FOXN2: variants seen among roughly 807,000 people sequenced by gnomAD.
The protein encoded by FOXN2 is forkhead box protein N2.
In FOXN2, 19 loss-of-function variants were observed where a neutral mutation model predicts 41.2. The ratio of observed to expected loss-of-function variants is 0.46; its 90% CI spans 0.32 to 0.68. The LOEUF is 0.68. Ranked by LOEUF, FOXN2 falls within the 30% of genes least tolerant of loss-of-function variation. FOXN2 has a pLI of 0.03. For missense variants in FOXN2, 587 were observed against 509.4 expected, an observed-to-expected ratio of 1.15 and a Z score of -1.47; for synonymous variants, 195 against 176.8, an observed-to-expected ratio of 1.10 and a Z score of -0.82.
chr2:48,339,531 C>G (rs1338043653), intron 2 of FOXN2, among the ~76,000 whole-genome samples: 1 of 152,204 alleles, frequency 6.6e-6, no homozygotes, highest in African/African-American at 2.4e-5. Context: ...GCCAATTAAA[C>G]CTCTTTCCAT....
intron 2 of FOXN2, among the ~76,000 whole-genome samples, chr2:48,336,036 A>AT (rs202009424): frequency 0.083 from 12,446 of 150,374 alleles, 649 homozygotes; most frequent in Non-Finnish European, 0.12. Flanking sequence ...TCAAAAAAAA[A>AT]AAAAATAATA....
rs567594784 is a variant in FOXN2, at chr2:48,320,538, C to G, written c.-157+5724C>G. 7.2e-5 allele frequency among the ~76,000 whole-genome samples: 11 copies of G among 152,268 alleles called. No homozygotes were observed. The East Asian group carries it at 2.1e-3, about 29-fold the overall frequency. ...ACCCTGACCTCAAGTGATCTGCCCA[C>G]CTCGGCCTCCCAAAGTGCTGGAATT... On this transcript the variant is annotated intron_variant, in intron 1 of 6. Transcript: ENST00000340553.
intron 3 of FOXN2, among the ~76,000 whole-genome samples, chr2:48,356,854 AC>A (rs1671827363): frequency 2.0e-5 from 3 of 152,216 alleles, no homozygotes; most frequent in South Asian, 2.1e-4. Flanking sequence ...GCAGTTCTCT[AC>A]CAAGTAAGTT....
intron 1 of FOXN2, among the ~76,000 whole-genome samples, chr2:48,321,073 T>G (rs1341691926): frequency 6.6e-6 from 1 of 152,152 alleles, no homozygotes; most frequent in Non-Finnish European, 1.5e-5. Flanking sequence ...CAGCATCTAC[T>G]ATATTTATTC....
chr2:48,322,792 G>C (rs1213999691), intron 1 of FOXN2, among the ~76,000 whole-genome samples: 1 of 148,190 alleles, frequency 6.7e-6, no homozygotes, highest in African/African-American at 2.5e-5. Flanking sequence ...ATCTGATATA[G>C]GTATTTCTCA....
chr2:48,370,270 C>A (rs151148592), intron 5 of FOXN2, among the ~76,000 whole-genome samples: 1 of 152,124 alleles, frequency 6.6e-6, no homozygotes, highest in Admixed American at 6.5e-5. Context: ...CTTCTTCAGA[C>A]GTGTTAGAAT....
chr2:48,329,562 T>C (rs1669901464), intron 2 of FOXN2, among the ~76,000 whole-genome samples: 1 of 152,138 alleles, frequency 6.6e-6, no homozygotes, highest in Non-Finnish European at 1.5e-5. Context: ...TTAGAGACAA[T>C]GGATCACATG....
chr2:48,339,088 A>G (rs1670564799), intron 2 of FOXN2, among the ~76,000 whole-genome samples: 1 of 152,186 alleles, frequency 6.6e-6, no homozygotes, highest in Non-Finnish European at 1.5e-5. Context: ...ATTCATAGCT[A>G]TATGTTCATA....
intron 1 of FOXN2, among the ~76,000 whole-genome samples, chr2:48,324,659 T>C (rs144629811): frequency 5.3e-5 from 8 of 152,356 alleles, no homozygotes; most frequent in African/African-American, 1.9e-4. Flanking sequence ...TTTGAAGTAC[T>C]CTGCTTAGGG....
chr2:48,366,190 C>A (rs1041181835), intron 5 of FOXN2, among the ~76,000 whole-genome samples: 1 of 152,108 alleles, frequency 6.6e-6, no homozygotes, highest in Non-Finnish European at 1.5e-5. Context: ...AACCCCATCT[C>A]TACTAAAAAT....
chr2:48,338,018 T>A (rs1011065744), intron 2 of FOXN2, among the ~76,000 whole-genome samples: 1 of 152,132 alleles, frequency 6.6e-6, no homozygotes, highest in Non-Finnish European at 1.5e-5. Context: ...CCATGCACCA[T>A]AGAAACATCA....
chr2:48,362,787 C>T, intron 5 of FOXN2, 80 bp downstream of exon 5: 8 of 1,170,096 alleles, frequency 6.8e-6, no homozygotes, highest in Middle Eastern at 2.0e-4. Context: ...CAATGGTGGT[C>T]CCCTAAGATT....
intron 5 of FOXN2, among the ~76,000 whole-genome samples, chr2:48,366,820 C>A (rs1478263768): frequency 1.3e-5 from 2 of 151,594 alleles, no homozygotes; most frequent in Non-Finnish European, 1.5e-5. Flanking sequence ...AATTTCAAAG[C>A]CTGACTCCTA....
intron 3 of FOXN2, among the ~76,000 whole-genome samples, chr2:48,351,931 C>A (rs1671474934): frequency 1.3e-5 from 2 of 152,174 alleles, no homozygotes; most frequent in African/African-American, 4.8e-5. Context: ...ATAGTATATT[C>A]TGCTGGGAGT....
chr2:48,352,774 A>C (rs1671535590), intron 3 of FOXN2, among the ~76,000 whole-genome samples: 1 of 152,220 alleles, frequency 6.6e-6, no homozygotes, highest in Non-Finnish European at 1.5e-5. Context: ...TATAGACATT[A>C]TCCTGATGAA....
chr2:48,337,277 A>G (rs564044496), intron 2 of FOXN2, among the ~76,000 whole-genome samples: 6 of 150,138 alleles, frequency 4.0e-5, no homozygotes, highest in East Asian at 1.9e-4. Flanking sequence ...ATGTTGTTGC[A>G]TATGATTGGA....
intron 1 of FOXN2, among the ~76,000 whole-genome samples, chr2:48,323,380 C>T (rs974534924): frequency 6.6e-6 from 1 of 152,152 alleles, no homozygotes; most frequent in Non-Finnish European, 1.5e-5. Context: ...CCCCTTTCTC[C>T]ACATCCTTGC....
intron 1 of FOXN2, among the ~76,000 whole-genome samples, chr2:48,317,159 C>G (rs947922125): frequency 3.3e-5 from 5 of 151,782 alleles, no homozygotes; most frequent in Admixed American, 2.0e-4. Flanking sequence ...AGACTCCCAT[C>G]CCTTGAAAAA....
intron 4 of FOXN2, among the ~76,000 whole-genome samples, chr2:48,359,614 T>G (rs967829078): frequency 4.7e-5 from 7 of 150,344 alleles, no homozygotes; most frequent in Non-Finnish European, 1.0e-4. Flanking sequence ...TTTCTTTTCT[T>G]TTCTTTTCTT....
Sources: gnomAD v4.1 joint callset for allele counts (sites outside exome capture counted in the v4.1 genomes callset) on GRCh38, gnomAD v4.1.1 for gene constraint, MANE v1.5 for transcripts, NCBI Gene and HGNC (gene_info 2026-07-23, HGNC 2026-07-21) for gene names.